The following RBFOX3 variants were observed in gnomAD, a reference collection of about 807,000 sequenced individuals.
The protein encoded by RBFOX3 is RNA binding fox-1 homolog 3.
RBFOX3 carries 17 observed loss-of-function variants against 48.7 expected under a neutral mutation model. The ratio of observed to expected loss-of-function variants is 0.35; its 90% CI spans 0.24 to 0.52. The LOEUF is 0.52. Ranked by LOEUF, RBFOX3 falls within the 20% of genes least tolerant of loss-of-function variation. The pLI is 0.94. For missense variants in RBFOX3, 382 were observed against 497.5 expected (o/e 0.77, Z 2.21); for synonymous variants, 212 against 209.5 (o/e 1.01, Z -0.10).
chr17:79,530,967 G>A (rs999334563), intron 1 of RBFOX3, among the ~76,000 whole-genome samples: 5 of 152,234 alleles, frequency 3.3e-5, no homozygotes, highest in South Asian at 4.1e-4. Context: ...CAGGAAGGCC[G>A]CCGTGGATGG....
In RBFOX3 at chr17:79,316,147, C is replaced by T. The variant is rs1366210145; in HGVS notation, c.-174-8323G>A. Among the ~76,000 whole-genome samples, 7 of 151,364 alleles carry T rather than the reference C, an allele frequency of 4.6e-5. No homozygotes were observed. In the East Asian group the frequency reaches 7.8e-4, roughly 17 times the overall value. ...AAATTGGAGAGGGCGGGAGAGGCTG[C>T]GCGGAAGAGGAGAAGGGGTGGCTGG... On this transcript the variant is annotated intron_variant, in intron 2 of 14. Transcript: ENST00000693108.
intron 1 of RBFOX3, among the ~76,000 whole-genome samples, chr17:79,538,693 T>G (rs2089235865): frequency 6.6e-6 from 1 of 152,096 alleles, no homozygotes; most frequent in African/African-American, 2.4e-5. Flanking sequence ...CAGGATGAGA[T>G]CGGCAGGAAA....
chr17:79,340,172 G>A (rs1339015793), intron 2 of RBFOX3, among the ~76,000 whole-genome samples: 4 of 151,984 alleles, frequency 2.6e-5, no homozygotes, highest in African/African-American at 7.3e-5. Flanking sequence ...GGTGGTGCAC[G>A]CCTGTAATCC....
intron 1 of RBFOX3, among the ~76,000 whole-genome samples, chr17:79,593,566 C>T (rs989606942): frequency 6.6e-6 from 1 of 152,128 alleles, no homozygotes; most frequent in Non-Finnish European, 1.5e-5. Flanking sequence ...CTGGGAACAC[C>T]GAGGGAGGAA....
At chr17:79,188,368 TG>T (rs1240491290) in intron 4 of RBFOX3, among the ~76,000 whole-genome samples, 1 of 152,252 alleles carries the variant, frequency 6.6e-6, no homozygotes, top group East Asian at 1.9e-4. Flanking sequence ...CAGCAGAGAC[TG>T]CAGCAAAAGT....
At chr17:79,405,129 A>G (rs573726541) in intron 2 of RBFOX3, among the ~76,000 whole-genome samples, 2 of 152,196 alleles carry the variant, frequency 1.3e-5, no homozygotes, top group East Asian at 3.9e-4. Context: ...TTTTCCCCCA[A>G]CATTTTATCA....
chr17:79,187,060 T>G (rs956683983), intron 4 of RBFOX3, among the ~76,000 whole-genome samples: 6 of 152,258 alleles, frequency 3.9e-5, no homozygotes, highest in Admixed American at 1.3e-4. Context: ...GGATTCTCCC[T>G]GGGAGAGCAT....
At chr17:79,582,076 G>A (rs1040107929) in intron 1 of RBFOX3, among the ~76,000 whole-genome samples, 11 of 149,148 alleles carry the variant, frequency 7.4e-5, no homozygotes, top group East Asian at 6.0e-4. Context: ...GTGCCTGTGC[G>A]TGCCTGTGTA....
Position 79,199,223 on chromosome 17 carries a change from C to T in RBFOX3, c.-34+36543G>A, listed in dbSNP as rs1321848688. Among the ~76,000 whole-genome samples, 1 of 152,150 alleles carries T rather than the reference C, an allele frequency of 6.6e-6. No homozygotes were observed. The highest frequency in any genetic ancestry group is 2.4e-5 in the African/African-American group (1 of 41,428). On this transcript the variant is annotated intron_variant, in intron 4 of 14. Transcript: ENST00000693108. The surrounding 1 kb of genome is among the most constrained non-coding windows in gnomAD (Gnocchi z 5.1). ...CTCTGCCTTCTGAGAATGTAAAGGG[C>T]CTTTCGAAAAGACCTCCCTAGCCCC...
rs987216407 is a variant in RBFOX3, at chr17:79,212,716, C to T, written c.-34+23050G>A. On this transcript the variant is annotated intron_variant, in intron 4 of 14. Coordinates refer to ENST00000693108, the MANE Select transcript of RBFOX3 (RefSeq NM_001350451.2). The surrounding 1 kb of genome is among the most constrained non-coding windows in gnomAD (Gnocchi z 4.7). ...AGTCCCCACACTACCACTTGTTTCCCCTTTTGTCCTAGAATGAGAAAAGCA... is the reference window on the plus strand; with the variant it reads ...AGTCCCCACACTACCACTTGTTTCCTCTTTTGTCCTAGAATGAGAAAAGCA... 6.6e-6 allele frequency among the ~76,000 whole-genome samples: 1 copy of T among 152,190 alleles called. No individual in the cohort carries two copies. The highest frequency in any genetic ancestry group is 1.5e-5 in the Non-Finnish European group (1 of 68,046).
intron 2 of RBFOX3, among the ~76,000 whole-genome samples, chr17:79,387,832 G>A (rs2060770609): frequency 6.6e-6 from 1 of 152,248 alleles, no homozygotes; most frequent in Non-Finnish European, 1.5e-5. Context: ...CCAAGAGCAG[G>A]ACCAGACTAA....
chr17:79,276,114 C>G (rs1033670176), intron 3 of RBFOX3, among the ~76,000 whole-genome samples: 2 of 152,174 alleles, frequency 1.3e-5, no homozygotes, highest in African/African-American at 4.8e-5. Context: ...GAGGCAGAAG[C>G]CACACAAAGG....
chr17:79,272,660 G>A (rs571994597), intron 3 of RBFOX3, among the ~76,000 whole-genome samples: 45 of 152,274 alleles, frequency 3.0e-4, no homozygotes, highest in African/African-American at 1.1e-3. Flanking sequence ...GGACTTCCCT[G>A]TTGTTGGTGA....
intron 2 of RBFOX3, among the ~76,000 whole-genome samples, chr17:79,453,127 T>G (rs781972971): frequency 6.6e-6 from 1 of 152,262 alleles, no homozygotes; most frequent in Non-Finnish European, 1.5e-5. Flanking sequence ...CGGCAGTGTG[T>G]CCTTTCTGTA....
chr17:79,380,143 A>C (rs2059715987), intron 2 of RBFOX3, among the ~76,000 whole-genome samples: 1 of 150,166 alleles, frequency 6.7e-6, no homozygotes, highest in African/African-American at 2.5e-5. Flanking sequence ...CAGCATCTCT[A>C]ACCCTCCCCG....
chr17:79,096,620 T>TTCCCCC (rs1568117480), intron 12 of RBFOX3, 33 bp downstream of exon 12: 4 of 1,502,344 alleles, frequency 2.7e-6, no homozygotes, highest in South Asian at 2.4e-5. Context: ...GAACGCCTGA[T>TTCCCCC]CCCACCCTCC....
chr17:79,289,201 G>A (rs1382897859), intron 3 of RBFOX3, among the ~76,000 whole-genome samples: 1 of 152,208 alleles, frequency 6.6e-6, no homozygotes, highest in Non-Finnish European at 1.5e-5. Flanking sequence ...TGCCCACGTC[G>A]TAGTCTCAGG....
chr17:79,504,541 G>A lies in RBFOX3; in HGVS notation c.-319-21943C>T, dbSNP rs1005762197. Among the ~76,000 whole-genome samples, 148 of 152,314 alleles carry A rather than the reference G, an allele frequency of 9.7e-4. 1 individual carries two copies. The highest frequency in any genetic ancestry group is 3.4e-3 in the African/African-American group (142 of 41,574). ...TCCCTCCAGAGGCTCCAGGAGAGAA[G>A]CGTTGCCTGCCTCTTCCAGCCTCTG... is the stretch of plus-strand genomic sequence containing the variant. On this transcript the variant is annotated intron_variant, in intron 1 of 14. Transcript: ENST00000693108.
intron 3 of RBFOX3, among the ~76,000 whole-genome samples, chr17:79,300,286 G>T (rs1406779641): frequency 6.6e-6 from 1 of 152,160 alleles, no homozygotes; most frequent in Non-Finnish European, 1.5e-5. Flanking sequence ...CCCTGTCTGT[G>T]CTGTGTTACT....
Sources: allele counts gnomAD v4.1 joint callset (sites outside exome capture counted in the v4.1 genomes callset), GRCh38; gene constraint gnomAD v4.1.1; non-coding constraint Gnocchi (gnomAD v3.1); transcripts MANE v1.5; gene names NCBI Gene and HGNC (gene_info 2026-07-23, HGNC 2026-07-21).